SUPT5H: variants seen among roughly 807,000 people sequenced by gnomAD.
SUPT5H encodes the protein transcription elongation factor SPT5.
SUPT5H carries 24 observed loss-of-function variants against 142.5 expected under a neutral mutation model. The ratio of observed to expected loss-of-function variants is 0.17; its 90% CI spans 0.12 to 0.24. The LOEUF (loss-of-function observed/expected upper bound fraction) is 0.24, where lower values mean the gene tolerates loss of function less well. Among genes scored for constraint, SUPT5H ranks in the 10% least tolerant of loss-of-function variants. The pLI is 1.00. For synonymous variants in SUPT5H, 546 were observed against 553.0 expected (o/e 0.99, Z 0.18); for missense variants, 893 against 1,471.8 (o/e 0.61, Z 6.43).
intron 9 of SUPT5H, 147 bp downstream of exon 9, chr19:39,459,736 T>G: frequency 7.8e-7 from 1 of 1,285,848 alleles, no homozygotes; most frequent in Non-Finnish European, 1.1e-6. Context: ...CGTTACTGAC[T>G]GGCTATCTCC....
In SUPT5H at chr19:39,466,236, C is replaced by T. The variant is rs1193208216; in HGVS notation, c.877-244C>T. Among the ~76,000 whole-genome samples, 1 of 152,048 alleles carries T rather than the reference C, an allele frequency of 6.6e-6. No homozygotes were observed. Among genetic ancestry groups the T allele is most frequent in the East Asian group, 1.9e-4 (1 of 5,182 alleles). ...TTTGGGGGAATCAGCGGTTTGGCTG[C>T]GGTCGTCCTGGATTTGAGGGACCTT... On this transcript the variant is annotated intron_variant, in intron 11 of 29. Transcript: ENST00000432763. The surrounding 1 kb of genome is among the most constrained non-coding windows in gnomAD (Gnocchi z 4.3).
chr19:39,460,046 C>G, intron 10 of SUPT5H, 86 bp downstream of exon 10: 5 of 1,435,534 alleles, frequency 3.5e-6, no homozygotes, highest in Non-Finnish European at 4.9e-6. Flanking sequence ...GTACCAGGTG[C>G]CTCTGTTGTG....
Position 39,469,836 on chromosome 19 carries a change from C to A in SUPT5H, c.1375-283C>A. ...CTGAGGAGCTGTCCAGTCGGGGGTC[C>A]TGTGTCTGAGGGGCAGGCTCTCTGT... On this transcript the variant is annotated intron_variant, in intron 16 of 29. Transcript: ENST00000432763. The surrounding 1 kb of genome is among the most constrained non-coding windows in gnomAD (Gnocchi z 5.1). The A allele has an allele frequency of 2.1e-6, 1 of 483,014 alleles. No homozygotes were observed. Among genetic ancestry groups the A allele is most frequent in the Non-Finnish European group, 3.7e-6 (1 of 267,498 alleles). The allele number at this position is 483,014 out of a possible 1,614,324, so 29.9% of individuals were successfully genotyped here.
rs1330950987 is a variant in SUPT5H at position 39,466,561 on chromosome 19, A to G, written c.958A>G (p.Met320Val). ...RIDYDRIKAR[M>V]SLKDWFAKRK... The stretch of plus-strand genomic sequence containing the variant: ...CGACTACGATCGCATCAAGGCCCGC[A>G]TGAGCTTGGTACTCAGGGGAATCTG... Residue 320 changes from methionine (M) to valine (V), a missense_variant, in exon 12 of 30, where the codon ATG (methionine) becomes GTG (valine). Physicochemically the swap from Met to Val is conservative, Grantham distance 21. Coordinates refer to ENST00000432763, the MANE Select transcript of SUPT5H (RefSeq NM_001111020.3). The surrounding 1 kb of genome is among the most constrained non-coding windows in gnomAD (Gnocchi z 4.3). The G allele has an allele frequency of 3.1e-6, 5 of 1,613,966 alleles. No individual in the cohort carries two copies. The highest frequency in any genetic ancestry group is 1.7e-5 in the Admixed American group (1 of 59,990).
rs1568428144 is a variant in SUPT5H, at chr19:39,466,307, C to T, written c.877-173C>T. Among the ~76,000 whole-genome samples, 3 of 152,118 alleles carry T rather than the reference C, an allele frequency of 2.0e-5. No individual in the cohort carries two copies. Among genetic ancestry groups the T allele is most frequent in the Non-Finnish European group, 4.4e-5 (3 of 68,026 alleles). On this transcript the variant is annotated intron_variant, in intron 11 of 29. Transcript: ENST00000432763. This position sits in a 1 kb window ranked among gnomAD's most constrained non-coding sequence, Gnocchi z 4.3. ...CCAAGCAGGCAGTGGCTACTCAGTG[C>T]CAGAGTTGAGGGGACAGACAAGCTA...
In SUPT5H at chr19:39,468,743, C is replaced by G. The variant is rs773579070; in HGVS notation, c.1038-13C>G. The G allele has an allele frequency of 1.2e-6, 2 of 1,610,510 alleles. No individual in the cohort carries two copies. Among genetic ancestry groups the G allele is most frequent in the Non-Finnish European group, 1.7e-6 (2 of 1,176,824 alleles). ...CTCTCCCTTCTAATCTTCTCTCCCC[C>G]ATCAAATTCCAGGTCCCTGGGGGGT... On this transcript the variant is annotated splice_polypyrimidine_tract_variant and intron_variant, in intron 13 of 29. Coordinates refer to ENST00000432763, the MANE Select transcript of SUPT5H (RefSeq NM_001111020.3).
Position 39,470,643 on chromosome 19 carries a change from CACTT to C in SUPT5H, c.1677+123_1677+126del. The C allele has an allele frequency of 8.5e-7, 1 of 1,170,412 alleles. No individual in the cohort carries two copies. Among genetic ancestry groups the C allele is most frequent in the Non-Finnish European group, 1.2e-6 (1 of 855,440 alleles). 72.5% of individuals were successfully genotyped at this position (1,170,412 alleles called of 1,614,324 possible). A position where few individuals can be genotyped will look rare whatever the true frequency, so the allele number is the denominator to read the frequency against. On this transcript the variant is annotated intron_variant, in intron 18 of 29. Coordinates refer to ENST00000432763, the MANE Select transcript of SUPT5H (RefSeq NM_001111020.3). This position sits in a 1 kb window ranked among gnomAD's most constrained non-coding sequence, Gnocchi z 5.8. ...CTCTGGGTTGCAGATCTGGCTCTGT[CACTT>C]ACATCTGAATGGCTGATAGTGGGCA... is the stretch of plus-strand genomic sequence containing the variant.
At chr19:39,460,141 A>ATGT (rs1158282205) in intron 10 of SUPT5H, 181 bp downstream of exon 10, 1 of 630,262 alleles carries the variant, frequency 1.6e-6, no homozygotes, top group Non-Finnish European at 2.8e-6. Flanking sequence ...CTAGATGGAT[A>ATGT]TGTTGTCTTT....
In SUPT5H at chr19:39,470,496, C is replaced by A; in HGVS notation, c.1650C>A (p.Ile550=). The change falls in exon 18 of 30, where the codon ATC becomes ATA. Residue 550 remains isoleucine, a synonymous_variant. Transcript: ENST00000432763. This position sits in a 1 kb window ranked among gnomAD's most constrained non-coding sequence, Gnocchi z 5.8. ...TGGATCCCCAGACTGTGGGTGTCATCGTGCGACTAGAACGGGAGACCTTCC... is the reference window on the plus strand; with the variant it reads ...TGGATCCCCAGACTGTGGGTGTCATAGTGCGACTAGAACGGGAGACCTTCC... The part of the protein sequence containing the change: ...VQLDPQTVGV[I]VRLERETFQV... 6.3e-7 allele frequency: 1 copy of A among 1,584,966 alleles called. No homozygotes were observed. The highest frequency in any genetic ancestry group is 1.8e-5 in the Admixed American group (1 of 55,886).
chr19:39,468,995 T>C (rs2079280850), intron 14 of SUPT5H, 84 bp from the exon 15 acceptor site: 4 of 1,575,362 alleles, frequency 2.5e-6, no homozygotes, highest in East Asian at 2.2e-5. Flanking sequence ...ATTATTCCCC[T>C]AGGACCCACT....
intron 9 of SUPT5H, 79 bp from the exon 10 acceptor site, chr19:39,459,813 T>C: frequency 6.7e-7 from 1 of 1,502,038 alleles, no homozygotes. Context: ...TTATTTTTCT[T>C]GCTGCTGTCT....
In SUPT5H at chr19:39,464,956, A is replaced by G. The variant is rs2079215636; in HGVS notation, c.783A>G (p.Thr261=). Residue 261 remains threonine, a synonymous_variant, in exon 11 of 30, where the codon ACA becomes ACG. Coordinates refer to ENST00000432763, the MANE Select transcript of SUPT5H (RefSeq NM_001111020.3). ...AGATGGTGCCCATCAAGGAGATGAC[A>G]GACGTGCTCAAAGTGGTGAAGGAGG... is the stretch of plus-strand genomic sequence containing the variant. ...NQQMVPIKEM[T]DVLKVVKEVA... 1 of 1,614,120 alleles carries G rather than the reference A, an allele frequency of 6.2e-7. No homozygotes were observed. The highest frequency in any genetic ancestry group is 1.1e-5 in the South Asian group (1 of 91,092).
chr19:39,462,048 T>C (rs886283576), intron 10 of SUPT5H, among the ~76,000 whole-genome samples: 1 of 151,724 alleles, frequency 6.6e-6, no homozygotes, highest in Non-Finnish European at 1.5e-5. Flanking sequence ...GCTGGGATTA[T>C]AGGCATCCGC....
At chr19:39,460,051 G>A in intron 10 of SUPT5H, 91 bp downstream of exon 10, 12 of 1,358,294 alleles carry the variant, frequency 8.8e-6, no homozygotes, top group South Asian at 1.2e-5. Context: ...AGGTGCCTCT[G>A]TTGTGAGCAG....
At chr19:39,471,892 A>G (rs1330095452) in intron 20 of SUPT5H, 162 bp downstream of exon 20, 1 of 1,045,358 alleles carries the variant, frequency 9.6e-7, no homozygotes, top group Admixed American at 3.1e-5. Context: ...TGGGATTCTG[A>G]GCTGTTCACC....
intron 8 of SUPT5H, 132 bp from the exon 9 acceptor site, chr19:39,459,427 A>ACT: frequency 7.3e-7 from 1 of 1,362,450 alleles, no homozygotes; most frequent in East Asian, 2.3e-5. Context: ...CCTGGGTAGA[A>ACT]GCGTGGGGAA....
intron 8 of SUPT5H, 27 bp from the exon 9 acceptor site, chr19:39,459,529 TGAA>T (rs1467278065): frequency 2.5e-6 from 4 of 1,613,440 alleles, no homozygotes; most frequent in Non-Finnish European, 3.4e-6. Flanking sequence ...CCAGCTTCAC[TGAA>T]GGCCTTCCTT....
intron 2 of SUPT5H, among the ~76,000 whole-genome samples, chr19:39,452,100 T>G (rs1332318209): frequency 6.6e-6 from 1 of 152,064 alleles, no homozygotes; most frequent in Non-Finnish European, 1.5e-5. Flanking sequence ...GAAATGATGT[T>G]TACAGGCAGA....
Position 39,466,966 on chromosome 19 carries a change from G to T in SUPT5H, c.1037+221G>T. On this transcript the variant is annotated intron_variant, in intron 13 of 29. Coordinates refer to ENST00000432763, the MANE Select transcript of SUPT5H (RefSeq NM_001111020.3). The surrounding 1 kb of genome is among the most constrained non-coding windows in gnomAD (Gnocchi z 4.3). ...GGGCGCAGCGGGAGGGAGCACTTTG[G>T]AAGGCTAAGGCAGGAGGCTTGCTTG... 1 of 572,482 alleles carries T rather than the reference G, an allele frequency of 1.7e-6. No individual in the cohort carries two copies. 35.5% of individuals were successfully genotyped at this position (572,482 alleles called of 1,614,324 possible).
Sources: allele counts gnomAD v4.1 joint callset (sites outside exome capture counted in the v4.1 genomes callset), GRCh38; gene constraint gnomAD v4.1.1; non-coding constraint Gnocchi (gnomAD v3.1); transcripts MANE v1.5; gene names NCBI Gene and HGNC (gene_info 2026-07-23, HGNC 2026-07-21).